The following DENND2B variants were observed in gnomAD, a reference collection of about 807,000 sequenced individuals.
The protein encoded by DENND2B is DENN domain containing 2B, also known as DENN domain-containing protein 2B.
DENND2B carries 32 observed loss-of-function variants against 116.0 expected under a neutral mutation model. The observed-to-expected ratio is 0.28, with a 90% CI of 0.21 to 0.37. The LOEUF (loss-of-function observed/expected upper bound fraction) is 0.37, where lower values mean the gene tolerates loss of function less well. DENND2B is among the 10% of genes least tolerant of loss of function. DENND2B has a pLI of 1.00. For missense variants in DENND2B, 1,276 were observed against 1,477.7 expected (o/e 0.86, Z 2.24); for synonymous variants, 588 against 583.9 (o/e 1.01, Z -0.10).
At chr11:8,831,988 TTC>T (rs1214635960) in intron 4 of DENND2B, 3 of 152,036 alleles carry the variant, frequency 2.0e-5, no homozygotes, top group African/African-American at 7.3e-5. Context: ...AAGAGGCAGA[TTC>T]TCTCATCTGC....
chr11:8,856,325 GTC>G (rs2063191664), intron 3 of DENND2B, among the ~76,000 whole-genome samples: 1 of 152,146 alleles, frequency 6.6e-6, no homozygotes, highest in Non-Finnish European at 1.5e-5. Flanking sequence ...TTATTTAAAA[GTC>G]TGTGTTCTCA....
At chr11:8,746,005 A>G (rs567719654) in intron 2 of DENND2B, among the ~76,000 whole-genome samples, 1 of 152,340 alleles carries the variant, frequency 6.6e-6, no homozygotes, top group South Asian at 2.1e-4. Flanking sequence ...CTAAGCCACT[A>G]AGTTTGGGGT....
At chr11:8,753,153 C>G (rs531319361) in intron 1 of DENND2B, among the ~76,000 whole-genome samples, 1 of 152,252 alleles carries the variant, frequency 6.6e-6, no homozygotes, top group South Asian at 2.1e-4. Flanking sequence ...ATGAAAGTAA[C>G]TTGAACCTGG....
intron 1 of DENND2B, among the ~76,000 whole-genome samples, chr11:8,893,725 C>G (rs1405366667): frequency 6.6e-6 from 1 of 151,912 alleles, no homozygotes; most frequent in African/African-American, 2.4e-5. Flanking sequence ...GAACTACAAA[C>G]CGTTGCTCAA....
At chr11:8,747,757 G>C (rs1360946273) in intron 2 of DENND2B, among the ~76,000 whole-genome samples, 1 of 152,168 alleles carries the variant, frequency 6.6e-6, no homozygotes, top group Non-Finnish European at 1.5e-5. Context: ...ATACAGCAAA[G>C]AACAAAACTG....
At chr11:8,800,683 C>T (rs184396097) in intron 1 of DENND2B, among the ~76,000 whole-genome samples, 1 of 152,288 alleles carries the variant, frequency 6.6e-6, no homozygotes, top group East Asian at 1.9e-4. Flanking sequence ...CCTTTCCAGG[C>T]TGTATTTCAA....
chr11:8,756,299 A>G (rs2053599690), intron 1 of DENND2B, among the ~76,000 whole-genome samples: 1 of 152,240 alleles, frequency 6.6e-6, no homozygotes, highest in Admixed American at 6.5e-5. Flanking sequence ...GCAGTTGTAT[A>G]TGAGAACACA....
intron 3 of DENND2B, among the ~76,000 whole-genome samples, chr11:8,849,008 T>C (rs1430476942): frequency 2.0e-5 from 3 of 152,124 alleles, no homozygotes; most frequent in Admixed American, 6.5e-5. Flanking sequence ...ATTGCCTATA[T>C]TCATAATAAA....
Position 8,695,528 on chromosome 11 carries a change from T to C in DENND2B, c.3314A>G (p.Glu1105Gly), listed in dbSNP as rs754466582. Residue 1105 changes from glutamate to glycine, a missense_variant, in exon 19 of 20, where the codon GAG (glutamate) becomes GGG (glycine). Around this residue, in one of 2 missense-constraint regions of DENND2B, gnomAD observed 420 missense variants for 631.1 expected, o/e 0.67. Transcript: ENST00000313726. ...RAKGLFEQRV[E>G]QYLEELPDTE... ...GTCTGGGAGTTCTTCTAAGTACTGC[T>C]CCACTCGCTGCTCAAAAAGGCCTGG... The C allele has an allele frequency of 1.4e-5, 22 of 1,613,720 alleles. No individual in the cohort carries two copies. Among genetic ancestry groups the C allele is most frequent in the Non-Finnish European group, 1.9e-5 (22 of 1,180,042 alleles).
chr11:8,777,857 C>T (rs2057914139), intron 1 of DENND2B, among the ~76,000 whole-genome samples: 1 of 152,198 alleles, frequency 6.6e-6, no homozygotes, highest in Non-Finnish European at 1.5e-5. Flanking sequence ...CTGTAATCTA[C>T]CTGAACCTCA....
chr11:8,771,262 G>A (rs1467000370), intron 1 of DENND2B, among the ~76,000 whole-genome samples: 1 of 152,106 alleles, frequency 6.6e-6, no homozygotes, highest in Non-Finnish European at 1.5e-5. Flanking sequence ...CAACTAGAGT[G>A]CTCTCAGCAG....
intron 1 of DENND2B, chr11:8,809,276 G>C (rs2134484647): frequency 6.6e-6 from 1 of 152,278 alleles, no homozygotes; most frequent in Middle Eastern, 3.4e-3. Flanking sequence ...TGCTTGCATT[G>C]GCAAGCTGAT....
At chr11:8,703,170 T>G in intron 13 of DENND2B, 1 of 155,726 alleles carries the variant, frequency 6.4e-6, no homozygotes, top group Non-Finnish European at 1.4e-5. Flanking sequence ...ATCCCAGCCA[T>G]TGCCTCTGGA....
chr11:8,729,698 C>T (rs1373532709), intron 3 of DENND2B, among the ~76,000 whole-genome samples: 2 of 152,180 alleles, frequency 1.3e-5, no homozygotes, highest in Non-Finnish European at 2.9e-5. Context: ...AGGCCAAACC[C>T]AGCCAATACC....
At chr11:8,839,530 G>A (rs2568032) in intron 3 of DENND2B, among the ~76,000 whole-genome samples, 93,698 of 152,046 alleles carry the variant, frequency 0.62, 30,090 homozygotes, top group Non-Finnish European at 0.7. Context: ...AGGGGTCTGA[G>A]GCCAGCTTTC....
chr11:8,734,324 T>G (rs1169437747), intron 2 of DENND2B, among the ~76,000 whole-genome samples: 1 of 152,106 alleles, frequency 6.6e-6, no homozygotes, highest in East Asian at 1.9e-4. Context: ...TAGTACTGTT[T>G]TTTTTTTTTA....
intron 16 of DENND2B, among the ~76,000 whole-genome samples, chr11:8,698,137 C>CAAAAAAAAAAAAAAAAAAAAA (rs33975736): frequency 2.5e-5 from 1 of 39,808 alleles, no homozygotes; most frequent in Non-Finnish European, 4.9e-5. Context: ...ACCCTGTCTC[C>CAAAAAAAAAAAAAAAAAAAAA]AAAAAAAAAA....
intron 1 of DENND2B, chr11:8,794,829 G>A (rs547247905): frequency 6.6e-6 from 1 of 152,406 alleles, no homozygotes; most frequent in South Asian, 2.1e-4. Flanking sequence ...GAGGCCTGGG[G>A]AAGTGAAAGT....
chr11:8,770,003 T>C lies in DENND2B; in HGVS notation c.-25-19278A>G, dbSNP rs554160889. 2.7e-4 allele frequency among the ~76,000 whole-genome samples: 41 copies of C among 152,042 alleles called. No homozygotes were observed. The South Asian group carries it at 5.4e-3, about 20-fold the overall frequency. On this transcript the variant is annotated intron_variant, in intron 1 of 19. Coordinates refer to ENST00000313726, the MANE Select transcript of DENND2B (RefSeq NM_213618.2). The stretch of plus-strand genomic sequence containing the variant: ...AAAGAAAGAAAGGGGCAAAAAAAGA[T>C]TTCTTGATTTTTTTAACAGCAGCTC...
Sources: gnomAD v4.1 joint callset for allele counts (sites outside exome capture counted in the v4.1 genomes callset) on GRCh38, gnomAD v4.1.1 for gene constraint, gnomAD v4.1.1 regional missense constraint, MANE v1.5 for transcripts, NCBI Gene and HGNC (gene_info 2026-07-23, HGNC 2026-07-21) for gene names.